ACOT12: variants seen among roughly 807,000 people sequenced by gnomAD.
The protein encoded by ACOT12 is acyl-CoA thioesterase 12.
Under a neutral mutation model 67.7 loss-of-function variants are expected in ACOT12, and 51 were observed. The ratio of observed to expected loss-of-function variants is 0.75; its 90% CI spans 0.60 to 0.95. The LOEUF (loss-of-function observed/expected upper bound fraction) is 0.95. Among genes scored for constraint, ACOT12 ranks in the 40% least tolerant of loss-of-function variants. The pLI is 0.00. For missense variants in ACOT12, 734 were observed against 708.1 expected (o/e 1.04, Z -0.41); for synonymous variants, 251 against 244.6 (o/e 1.03, Z -0.24).
At chr5:81,370,393 T>C (rs1477854549) in intron 3 of ACOT12, among the ~76,000 whole-genome samples, 2 of 152,226 alleles carry the variant, frequency 1.3e-5, no homozygotes, top group Non-Finnish European at 2.9e-5. Flanking sequence ...TTCCAAATTC[T>C]TATGTCCTAA....
intron 10 of ACOT12, 22 bp downstream of exon 10, chr5:81,343,796 G>A: frequency 6.2e-7 from 1 of 1,610,228 alleles, no homozygotes; most frequent in African/African-American, 1.3e-5. Flanking sequence ...TATATGAAGA[G>A]CTCCAAATCA....
chr5:81,319,327 CTATT>C, the ACOT12 span, among the ~76,000 whole-genome samples: 10 of 152,214 alleles, frequency 6.6e-5, no homozygotes, highest in African/African-American at 2.2e-4. Context: ...ATATAATTGA[CTATT>C]TAAAGTGTAT....
At position 81,330,096 on chromosome 5, in the gene ACOT12, A is replaced by G. The variant is rs938028654; in HGVS notation, c.*298T>C. The G allele has an allele frequency of 2.4e-5, 5 of 210,464 alleles. No individual in the cohort carries two copies. The highest frequency in any genetic ancestry group is 1.1e-4 in the African/African-American group (5 of 43,754). The allele number at this position is 210,464 out of a possible 1,614,324, so 13.0% of individuals were successfully genotyped here. ...AAAAATGTTTACGATAATTTAAACT[A>G]AATTCATGCCATTTTATAGAACACA... On this transcript the variant is annotated 3_prime_UTR_variant, in exon 15 of 15. Coordinates refer to ENST00000307624, the MANE Select transcript of ACOT12 (RefSeq NM_130767.3).
At chr5:81,393,177 A>T in intron 1 of ACOT12, among the ~76,000 whole-genome samples, 1 of 152,208 alleles carries the variant, frequency 6.6e-6, no homozygotes, top group Non-Finnish European at 1.5e-5. Context: ...TGAATGCAGA[A>T]GCAGGTATGA....
At chr5:81,361,416 G>T (rs1262301750) in intron 4 of ACOT12, among the ~76,000 whole-genome samples, 1 of 151,854 alleles carries the variant, frequency 6.6e-6, no homozygotes, top group African/African-American at 2.4e-5. Flanking sequence ...GCCCAGGCTG[G>T]TCTCAAACTT....
chr5:81,383,913 A>G (rs2153859389), intron 2 of ACOT12, among the ~76,000 whole-genome samples: 1 of 152,204 alleles, frequency 6.6e-6, no homozygotes, highest in African/African-American at 2.4e-5. Context: ...ACAATAATCT[A>G]AGGTTAATTC....
intron 7 of ACOT12, among the ~76,000 whole-genome samples, chr5:81,345,263 T>C (rs1172950397): frequency 6.6e-6 from 1 of 152,106 alleles, no homozygotes; most frequent in Non-Finnish European, 1.5e-5. Context: ...AGCATTTCCA[T>C]TTTACTTCCC....
chr5:81,390,913 A>G (rs1760846021), intron 1 of ACOT12, among the ~76,000 whole-genome samples: 1 of 152,226 alleles, frequency 6.6e-6, no homozygotes, highest in Admixed American at 6.5e-5. Context: ...TCTCTTAAGA[A>G]TAAATCATGT....
intron 2 of ACOT12, among the ~76,000 whole-genome samples, chr5:81,377,652 C>CA (rs1340850927): frequency 9.9e-5 from 15 of 152,202 alleles, no homozygotes; most frequent in Non-Finnish European, 2.9e-5. Context: ...TCTCAAGATA[C>CA]AAAATCAATG....
chr5:81,391,562 G>GA (rs1760866007), intron 1 of ACOT12, among the ~76,000 whole-genome samples: 1 of 152,074 alleles, frequency 6.6e-6, no homozygotes, highest in Admixed American at 6.6e-5. Context: ...GAACATCTTA[G>GA]AAAAATCCTT....
At chr5:81,313,090 G>C in the ACOT12 span, 1 of 152,350 alleles carries the variant, frequency 6.6e-6, no homozygotes, top group Non-Finnish European at 1.5e-5. Context: ...TAAGTTGCTA[G>C]AAAGTCTATA....
At chr5:81,316,124 A>C in the ACOT12 span, among the ~76,000 whole-genome samples, 1 of 152,230 alleles carries the variant, frequency 6.6e-6, no homozygotes, top group Non-Finnish European at 1.5e-5. Flanking sequence ...AAGCCATGGG[A>C]AAGTTTTGGT....
rs76645547 is a variant in ACOT12 at position 81,390,076 on chromosome 5, T to A, written c.127+3912A>T. ...CTCAAGTCATCCTCACACCTCAGCC[T>A]CCTGAGTAGCTGGGACTACAGGTAC... On this transcript the variant is annotated intron_variant, in intron 1 of 14. Coordinates refer to ENST00000307624, the MANE Select transcript of ACOT12 (RefSeq NM_130767.3). Among the ~76,000 whole-genome samples the A allele has an allele frequency of 2.1e-3, 322 of 150,198 alleles. 5 individuals carry two copies. The highest frequency in any genetic ancestry group is 0.01 in the Middle Eastern group (3 of 290).
intron 14 of ACOT12, 68 bp from the exon 15 acceptor site, chr5:81,330,611 G>C: frequency 1.3e-6 from 2 of 1,564,378 alleles, no homozygotes; most frequent in Non-Finnish European, 1.7e-6. Flanking sequence ...GAAAGGATCT[G>C]AGTCTTGCTG....
In ACOT12 at chr5:81,342,682, G is replaced by A; in HGVS notation, c.1118C>T (p.Thr373Ile). 2 of 1,614,162 alleles carry A rather than the reference G, an allele frequency of 1.2e-6. No homozygotes were observed. Among genetic ancestry groups the A allele is most frequent in the Non-Finnish European group, 1.7e-6 (2 of 1,180,002 alleles). Reference protein sequence around the residue: ...AAKRGWEVTSTVEKIKIYTLE... With the variant: ...AAKRGWEVTSIVEKIKIYTLE... ...CTGGAAGTGTCCTACCTTTTCCACA[G>A]TGCTGGTAACCTCCCAACCCCTTTT... Residue 373 changes from threonine (T) to isoleucine (I), a missense_variant, in exon 11 of 15, where the codon ACT becomes ATT. Transcript: ENST00000307624.
intron 5 of ACOT12, among the ~76,000 whole-genome samples, chr5:81,354,759 A>C (rs1228121564): frequency 1.3e-5 from 2 of 151,478 alleles, no homozygotes; most frequent in Admixed American, 6.6e-5. Context: ...GCTGGACTGC[A>C]GTGGTGCAAT....
At chr5:81,316,286 T>A in the ACOT12 span, among the ~76,000 whole-genome samples, 1 of 152,218 alleles carries the variant, frequency 6.6e-6, no homozygotes, top group Non-Finnish European at 1.5e-5. Flanking sequence ...CAACAGCCAA[T>A]ACCCTTAAGC....
chr5:81,320,910 A>G, the ACOT12 span, among the ~76,000 whole-genome samples: 1 of 152,206 alleles, frequency 6.6e-6, no homozygotes, highest in African/African-American at 2.4e-5. Context: ...GTCCAAGATC[A>G]AGGTGCCAAC....
Position 81,330,327 on chromosome 5 carries a change from T to C in ACOT12, c.*67A>G, listed in dbSNP as rs1758772829. On this transcript the variant is annotated 3_prime_UTR_variant, in exon 15 of 15. Transcript: ENST00000307624. ...TTTTGTGGCCCCAAAGCTTGACAGA[T>C]GTCAGGGCTAAGGGTGCTTGGAATT... The C allele has an allele frequency of 1.0e-4, 154 of 1,514,112 alleles. 3 individuals are homozygous for C. In the South Asian group the frequency reaches 2.0e-3, roughly 20 times the overall value. 93.8% of individuals were successfully genotyped at this position (1,514,112 alleles called of 1,614,324 possible). A position where few individuals can be genotyped will look rare whatever the true frequency, so the allele number is the denominator to read the frequency against.
Sources: allele counts gnomAD v4.1 joint callset (sites outside exome capture counted in the v4.1 genomes callset), GRCh38; gene constraint gnomAD v4.1.1; transcripts MANE v1.5; gene names NCBI Gene and HGNC (gene_info 2026-07-23, HGNC 2026-07-21).